The following ATR variants were observed in gnomAD, a reference collection of about 807,000 sequenced individuals.
The protein encoded by ATR is ATR checkpoint kinase, also known as serine/threonine-protein kinase ATR.
Under a neutral mutation model 305.3 loss-of-function variants are expected in ATR, and 142 were observed. That is an observed-to-expected ratio of 0.47 (90% CI 0.41 to 0.53). ATR has a LOEUF of 0.53. ATR is among the 20% of genes least tolerant of loss of function. The pLI is 0.00. For missense variants in ATR, 2,135 were observed against 3,133.1 expected (o/e 0.68, Z 7.60); for synonymous variants, 1,050 against 1,068.1 (o/e 0.98, Z 0.33).
chr3:142,496,929 T>C (rs2031680678), intron 33 of ATR, 84 bp downstream of exon 33: 1 of 1,450,818 alleles, frequency 6.9e-7, no homozygotes, highest in Non-Finnish European at 9.4e-7. Flanking sequence ...AGACAGAAAA[T>C]TAAGAAATAC....
intron 36 of ATR, among the ~76,000 whole-genome samples, chr3:142,474,688 G>A (rs1659962772): frequency 6.6e-6 from 1 of 152,064 alleles, no homozygotes; most frequent in Admixed American, 6.6e-5. Flanking sequence ...AAAAATTGAT[G>A]ACTTCTTTTC....
chr3:142,507,943 A>G lies in ATR; in HGVS notation c.5019T>C (p.Leu1673=). 1.2e-6 allele frequency: 2 copies of G among 1,608,012 alleles called. No homozygotes were observed. The highest frequency in any genetic ancestry group is 2.2e-5 in the South Asian group (2 of 90,962). The stretch of plus-strand genomic sequence containing the variant: ...ATTAACTTCAGACCTGTAAAAATCC[A>G]AGATGTTCCTGAATATTTTGCTTCT... ...TEKKQNIQEH[L]GFLQKLYAAM... The change falls in exon 28 of 47, where the codon CTT becomes CTC. Residue 1673 remains leucine (L), a synonymous_variant. Transcript: ENST00000350721.
At chr3:142,556,255 T>A in intron 9 of ATR, 116 bp from the exon 10 acceptor site, 1 of 1,495,216 alleles carries the variant, frequency 6.7e-7, no homozygotes, top group Non-Finnish European at 9.1e-7. Context: ...GAAAAAATGT[T>A]AAATTCTAAA....
At chr3:142,524,545 A>T (rs531887508) in intron 21 of ATR, among the ~76,000 whole-genome samples, 49 of 152,238 alleles carry the variant, frequency 3.2e-4, no homozygotes, top group African/African-American at 1.2e-3. Context: ...ATATCATATG[A>T]TATGTACAAT....
rs761394192 is a variant in ATR at position 142,465,124 on chromosome 3, T to C, written c.7014A>G (p.Leu2338=). ...TATTAATCAAGGAATTGAATTCCAT[T>C]AGTCTACAATCCTTTCTCAGGTCAT... ...PKDDLRKDCR[L]MEFNSLINKC... Residue 2338 remains leucine, a synonymous_variant, in exon 41 of 47, where the codon CTA becomes CTG. Transcript: ENST00000350721. The C allele has an allele frequency of 4.5e-6, 7 of 1,569,610 alleles. 1 individual carries two copies. The highest frequency in any genetic ancestry group is 2.5e-5 in the South Asian group (2 of 81,152).
Position 142,496,384 on chromosome 3 carries a change from T to C in ATR, c.5875A>G (p.Arg1959Gly). 1.3e-6 allele frequency: 2 copies of C among 1,580,118 alleles called. No individual in the cohort carries two copies. Among genetic ancestry groups the C allele is most frequent in the Non-Finnish European group, 1.7e-6 (2 of 1,163,870 alleles). The change falls in exon 34 of 47, where the codon AGG becomes GGG. Residue 1959 changes from arginine (R) to glycine (G), a missense_variant. Physicochemically the swap from Arg to Gly is moderately radical, Grantham distance 125. Transcript: ENST00000350721. The stretch of plus-strand genomic sequence containing the variant: ...ACCTTGGACCAGAGCCACTTTGCCC[T>C]TTCCACGTACAGTTCAGCGAGTCGT... ...ESRLAELYVE[R>G]AKWLWSKGDV...
Position 142,519,706 on chromosome 3 carries a change from G to C in ATR, c.4345C>G (p.His1449Asp). ...GHQLWRRFPE[H>D]VREILEPHLN... is the part of the protein sequence containing the mutation. ...TGAGGTTCTAGTATTTCCCGAACAT[G>C]CTCAGGAAATCTCCTCCACAATTGG... Residue 1449 changes from histidine (H) to aspartate (D), a missense_variant, in exon 24 of 47, where the codon CAT becomes GAT. Physicochemically the swap from His to Asp is moderately conservative, Grantham distance 81. Around this residue, in one of 9 missense-constraint regions of ATR, gnomAD observed 202 missense variants for 252.9 expected, o/e 0.80. Transcript: ENST00000350721. The C allele has an allele frequency of 6.2e-7, 1 of 1,613,920 alleles. No individual in the cohort carries two copies. The highest frequency in any genetic ancestry group is 8.5e-7 in the Non-Finnish European group (1 of 1,179,844).
At chr3:142,537,258 T>A (rs1192331146) in intron 19 of ATR, among the ~76,000 whole-genome samples, 3 of 151,436 alleles carry the variant, frequency 2.0e-5, no homozygotes, top group African/African-American at 7.3e-5. Flanking sequence ...TTTTTTTAAA[T>A]GTTTCTGTAT....
intron 35 of ATR, among the ~76,000 whole-genome samples, chr3:142,490,994 T>C (rs1577559635): frequency 6.6e-6 from 1 of 152,150 alleles, no homozygotes; most frequent in Admixed American, 6.5e-5. Context: ...GACAGCTCTA[T>C]TGGGATATAA....
Position 142,559,821 on chromosome 3 carries a change from T to A in ATR, c.1542-380A>T, listed in dbSNP as rs2034812299. On this transcript the variant is annotated intron_variant, in intron 6 of 46. Coordinates refer to ENST00000350721, the MANE Select transcript of ATR (RefSeq NM_001184.4). ...ATGGGAGGCTCACTTGAGCCCCGGA[T>A]AGAGATCAAGGCTGTAGTGAGCCAT... is the stretch of plus-strand genomic sequence containing the variant. 2.0e-5 allele frequency among the ~76,000 whole-genome samples: 3 copies of A among 152,144 alleles called. No individual in the cohort carries two copies. The South Asian group carries it at 6.2e-4, about 32-fold the overall frequency.
At chr3:142,471,255 C>A (rs1046598604) in intron 36 of ATR, among the ~76,000 whole-genome samples, 10 of 152,148 alleles carry the variant, frequency 6.6e-5, no homozygotes, top group Non-Finnish European at 1.5e-4. Flanking sequence ...CCTCGAGGTT[C>A]ATCTATGTTG....
In ATR at chr3:142,499,792, C is replaced by T. The variant is rs185082734; in HGVS notation, c.5289-74G>A. The stretch of plus-strand genomic sequence containing the variant: ...CATTCAGAGATTTTTCATTGGTTTA[C>T]ATACTCTATTTATTATATTTATTGA... On this transcript the variant is annotated intron_variant, in intron 30 of 46. Coordinates refer to ENST00000350721, the MANE Select transcript of ATR (RefSeq NM_001184.4). The T allele has an allele frequency of 1.4e-3, 1,656 of 1,189,046 alleles. 15 individuals are homozygous for T. Among genetic ancestry groups the T allele is most frequent in the Non-Finnish European group, 8.4e-5 (67 of 800,296 alleles). The allele number at this position is 1,189,046 out of a possible 1,614,324, so 73.7% of individuals were successfully genotyped here.
At chr3:142,568,024 A>G in intron 2 of ATR, 39 bp downstream of exon 2, 1 of 1,466,816 alleles carries the variant, frequency 6.8e-7, no homozygotes, top group Non-Finnish European at 9.3e-7. Flanking sequence ...AGAAAAGTCT[A>G]ATTTATAAAG....
intron 18 of ATR, 108 bp downstream of exon 18, chr3:142,540,796 C>G (rs2034022981): frequency 1.5e-6 from 2 of 1,293,964 alleles, no homozygotes; most frequent in Non-Finnish European, 2.1e-6. Context: ...GTCTTTCTAC[C>G]TTATTTATTA....
chr3:142,523,981 T>C lies in ATR; in HGVS notation c.4152+12A>G. 3 of 1,611,020 alleles carry C rather than the reference T, an allele frequency of 1.9e-6. No individual in the cohort carries two copies. The highest frequency in any genetic ancestry group is 3.3e-4 in the Middle Eastern group (2 of 6,052). ...GAGAACTCTTTTGTCATTCCAAATT[T>C]CCACTACTTACCACAAATGTAAAAT... On this transcript the variant is annotated intron_variant, in intron 22 of 46. Transcript: ENST00000350721.
chr3:142,561,164 AC>A (rs2034864288), intron 5 of ATR, 78 bp downstream of exon 5: 2 of 1,469,902 alleles, frequency 1.4e-6, no homozygotes, highest in South Asian at 2.3e-5. Context: ...AAATCAAAGC[AC>A]TTAACTAAAG....
At chr3:142,526,283 G>A (rs996787100) in intron 21 of ATR, among the ~76,000 whole-genome samples, 2 of 151,982 alleles carry the variant, frequency 1.3e-5, no homozygotes, top group African/African-American at 4.8e-5. Context: ...AAGTATATTA[G>A]CATAAGAAAT....
intron 35 of ATR, among the ~76,000 whole-genome samples, chr3:142,486,289 A>G (rs2030919029): frequency 1.3e-5 from 2 of 152,180 alleles, no homozygotes; most frequent in Non-Finnish European, 2.9e-5. Flanking sequence ...CTCTACAGAC[A>G]CAAACCTGCC....
chr3:142,475,432 C>CT (rs1305580037), intron 36 of ATR, among the ~76,000 whole-genome samples: 2 of 152,174 alleles, frequency 1.3e-5, no homozygotes, highest in East Asian at 3.9e-4. Flanking sequence ...TGAACTCATC[C>CT]TTTTTTATGG....
Sources: allele counts gnomAD v4.1 joint callset (sites outside exome capture counted in the v4.1 genomes callset), GRCh38; gene constraint gnomAD v4.1.1; regional missense constraint gnomAD v4.1.1; transcripts MANE v1.5; gene names NCBI Gene and HGNC (gene_info 2026-07-23, HGNC 2026-07-21).